The following CSE1L variants were observed in gnomAD, a reference collection of about 807,000 sequenced individuals.
CSE1L encodes exportin-2.
A neutral mutation model predicts 120.4 loss-of-function variants in CSE1L; 24 were observed. The observed-to-expected ratio is 0.20, with a 90% CI of 0.14 to 0.28. CSE1L has a LOEUF of 0.28. Among genes scored for constraint, CSE1L ranks in the 10% least tolerant of loss-of-function variants. CSE1L has a pLI of 1.00. For missense variants in CSE1L, 830 were observed against 1,145.2 expected (o/e 0.72, Z 3.97); for synonymous variants, 402 against 398.3 (o/e 1.01, Z -0.11).
chr20:49,068,688 A>C, intron 6 of CSE1L, 27 bp from the exon 7 acceptor site: 1 of 1,505,250 alleles, frequency 6.6e-7, no homozygotes. Context: ...GATGCACTAA[A>C]ACCATGTTGC....
In CSE1L at chr20:49,096,628, T is replaced by G; in HGVS notation, c.*190T>G. 2 of 599,568 alleles carry G rather than the reference T, an allele frequency of 3.3e-6. No homozygotes were observed. The highest frequency in any genetic ancestry group is 5.9e-6 in the Non-Finnish European group (2 of 338,194). The allele number at this position is 599,568 out of a possible 1,614,324, so 37.1% of individuals were successfully genotyped here. Reference sequence around the variant, plus strand: ...GTTGGTTTGTGTGATCATACAGTTATGTGGGTGGCTTCTAGTTTGCAACTT... The same window carrying G: ...GTTGGTTTGTGTGATCATACAGTTAGGTGGGTGGCTTCTAGTTTGCAACTT... On this transcript the variant is annotated 3_prime_UTR_variant, in exon 25 of 25. Coordinates refer to ENST00000262982, the MANE Select transcript of CSE1L (RefSeq NM_001316.4).
chr20:49,087,351 C>CTTT (rs11483071), intron 16 of CSE1L, among the ~76,000 whole-genome samples: 1,396 of 116,246 alleles, frequency 0.012, 49 homozygotes, highest in African/African-American at 0.042. Flanking sequence ...TTTTCTTTTT[C>CTTT]TTTTTTTTTT....
chr20:49,075,934 C>T (rs1346561949), intron 12 of CSE1L, among the ~76,000 whole-genome samples: 4 of 151,722 alleles, frequency 2.6e-5, no homozygotes, highest in African/African-American at 7.2e-5. Flanking sequence ...CGAGTTCGAG[C>T]GACTCTCCTG....
intron 1 of CSE1L, among the ~76,000 whole-genome samples, chr20:49,047,559 C>T (rs1006194136): frequency 1.0e-3 from 61 of 61,070 alleles, no homozygotes; most frequent in African/African-American, 3.6e-3. Flanking sequence ...TTTCTTTTCT[C>T]TTTTCTTTTT....
At chr20:49,054,574 CCTT>C (rs1392123823) in intron 1 of CSE1L, among the ~76,000 whole-genome samples, 15 of 152,224 alleles carry the variant, frequency 9.9e-5, no homozygotes, top group Non-Finnish European at 1.6e-4. Flanking sequence ...ACCTGAGTGC[CCTT>C]CTTTGTGTGT....
Position 49,075,362 on chromosome 20 carries a change from T to C in CSE1L, c.1177T>C (p.Leu393=). The change falls in exon 12 of 25, where the codon TTA becomes CTA. Residue 393 remains leucine, a synonymous_variant. Transcript: ENST00000262982. ...GGCTGCTTGTGATCTGGTACGAGGA[T>C]TATGCAAGTTTTTTGAGGGACCTGT... ...RRAACDLVRG[L]CKFFEGPVTG... 6.2e-7 allele frequency: 1 copy of C among 1,614,110 alleles called. No homozygotes were observed. The highest frequency in any genetic ancestry group is 8.5e-7 in the Non-Finnish European group (1 of 1,179,992).
At chr20:49,069,271 A>AG (rs547654048) in intron 7 of CSE1L, among the ~76,000 whole-genome samples, 115 of 152,326 alleles carry the variant, frequency 7.5e-4, no homozygotes, top group African/African-American at 2.6e-3. Flanking sequence ...AGACTTTGAA[A>AG]GGGGTAGGAA....
chr20:49,085,224 A>C, intron 15 of CSE1L, 59 bp from the exon 16 acceptor site: 1 of 1,268,314 alleles, frequency 7.9e-7, no homozygotes, highest in Admixed American at 1.7e-5. Flanking sequence ...TGCCAAGGGT[A>C]ATCTGCAGTG....
chr20:49,069,221 A>G (rs1177051895), intron 7 of CSE1L, among the ~76,000 whole-genome samples: 3 of 152,168 alleles, frequency 2.0e-5, no homozygotes, highest in African/African-American at 4.8e-5. Context: ...AATGACTTTT[A>G]TTGGAAGCCA....
At chr20:49,071,844 T>C (rs1190699524) in intron 8 of CSE1L, among the ~76,000 whole-genome samples, 1 of 151,410 alleles carries the variant, frequency 6.6e-6, no homozygotes, top group Non-Finnish European at 1.5e-5. Flanking sequence ...GGCGGGTGCC[T>C]GTAGTCCCAG....
At chr20:49,081,840 C>T (rs2092014840) in intron 14 of CSE1L, among the ~76,000 whole-genome samples, 1 of 152,174 alleles carries the variant, frequency 6.6e-6, no homozygotes, top group South Asian at 2.1e-4. Context: ...ATTTTAAACA[C>T]ACAAGCAGGA....
At chr20:49,047,075 TG>T (rs971234210) in intron 1 of CSE1L, among the ~76,000 whole-genome samples, 1 of 152,192 alleles carries the variant, frequency 6.6e-6, no homozygotes, top group African/African-American at 2.4e-5. Context: ...TAACGCGGGT[TG>T]GGGGAGGGTT....
intron 24 of CSE1L, 82 bp downstream of exon 24, chr20:49,095,045 T>G: frequency 9.5e-7 from 1 of 1,056,524 alleles, no homozygotes; most frequent in Non-Finnish European, 1.4e-6. Flanking sequence ...CTGGTGTCTG[T>G]TTTCATTGGT....
intron 17 of CSE1L, among the ~76,000 whole-genome samples, chr20:49,088,340 G>A (rs569144929): frequency 1.3e-5 from 2 of 152,274 alleles, no homozygotes; most frequent in South Asian, 2.1e-4. Flanking sequence ...CATTACAAAA[G>A]TAACATGTTT....
intron 14 of CSE1L, among the ~76,000 whole-genome samples, chr20:49,082,468 A>G (rs1387289620): frequency 6.6e-6 from 1 of 151,816 alleles, no homozygotes; most frequent in Non-Finnish European, 1.5e-5. Context: ...TTGTTTGTAT[A>G]AATGACATCA....
chr20:49,080,943 AT>A (rs1386365270), intron 14 of CSE1L, among the ~76,000 whole-genome samples: 1 of 151,416 alleles, frequency 6.6e-6, no homozygotes, highest in Non-Finnish European at 1.5e-5. Context: ...CACCTGGCTA[AT>A]TTTTTATACT....
At chr20:49,073,213 A>G (rs971173326) in intron 10 of CSE1L, among the ~76,000 whole-genome samples, 8 of 151,990 alleles carry the variant, frequency 5.3e-5, no homozygotes, top group Admixed American at 3.3e-4. Context: ...GGGTTTCACC[A>G]TGTTGTTCAG....
At chr20:49,066,317 TGGG>T (rs2091891948) in intron 4 of CSE1L, 24 bp downstream of exon 4, 1 of 1,614,022 alleles carries the variant, frequency 6.2e-7, no homozygotes, top group Admixed American at 1.7e-5. Flanking sequence ...ACTTTTTAGA[TGGG>T]CTCCTCTGTA....
At chr20:49,052,142 ATAG>A (rs2091770806) in intron 1 of CSE1L, among the ~76,000 whole-genome samples, 1 of 152,210 alleles carries the variant, frequency 6.6e-6, no homozygotes, top group African/African-American at 2.4e-5. Context: ...ATCTGAAGGG[ATAG>A]TCTCCAGTCT....
Sources: gnomAD v4.1 joint callset for allele counts (sites outside exome capture counted in the v4.1 genomes callset) on GRCh38, gnomAD v4.1.1 for gene constraint, MANE v1.5 for transcripts, NCBI Gene and HGNC (gene_info 2026-07-23, HGNC 2026-07-21) for gene names.